The following IL1RAPL1 variants were observed in gnomAD, a reference collection of about 807,000 sequenced individuals.
The protein encoded by IL1RAPL1 is interleukin-1 receptor accessory protein-like 1.
IL1RAPL1 carries 3 observed loss-of-function variants against 48.4 expected under a neutral mutation model. The observed-to-expected ratio is 0.06, with a 90% CI of 0.03 to 0.16. The LOEUF (loss-of-function observed/expected upper bound fraction) is 0.16. Among genes scored for constraint, IL1RAPL1 ranks in the 10% least tolerant of loss-of-function variants. The probability of loss-of-function intolerance (pLI) is 1.00; values close to 1 mark genes in which losing one functional copy is unlikely to be tolerated. For missense variants in IL1RAPL1, 349 were observed against 530.6 expected, an observed-to-expected ratio of 0.66 and a Z score of 3.36; for synonymous variants, 185 against 187.7, an observed-to-expected ratio of 0.99 and a Z score of 0.12.
At chrX:28,946,146 T>C (rs1924297918) in intron 2 of IL1RAPL1, among the ~76,000 whole-genome samples, 1 of 109,398 alleles carries the variant, frequency 9.1e-6, no homozygotes, top group African/African-American at 3.3e-5. Context: ...GAATACTAGA[T>C]GAGGGTTAAA....
intron 3 of IL1RAPL1, among the ~76,000 whole-genome samples, chrX:29,302,721 C>T (rs7884180): frequency 2.4e-4 from 26 of 110,429 alleles, no homozygotes; most frequent in Admixed American, 2.0e-3. Flanking sequence ...AGTTTTGGGG[C>T]GGTCATTTAG....
At chrX:29,428,389 G>T (rs1169726551) in intron 5 of IL1RAPL1, among the ~76,000 whole-genome samples, 1 of 111,354 alleles carries the variant, frequency 9.0e-6, no homozygotes, top group Non-Finnish European at 1.9e-5. Context: ...AGCATTAAAT[G>T]ACATTAATCT....
chrX:29,591,572 C>T (rs937322813), intron 5 of IL1RAPL1, among the ~76,000 whole-genome samples: 2 of 111,992 alleles, frequency 1.8e-5, no homozygotes, highest in African/African-American at 6.5e-5. Context: ...CTTCCTCTGC[C>T]GGGCACTCTC....
intron 6 of IL1RAPL1, among the ~76,000 whole-genome samples, chrX:29,809,812 AT>A (rs1255622736): frequency 9.5e-6 from 1 of 105,606 alleles, no homozygotes; most frequent in Non-Finnish European, 1.9e-5. Context: ...ACCTTCCTGC[AT>A]CCCTCTGTGT....
intron 6 of IL1RAPL1, among the ~76,000 whole-genome samples, chrX:29,682,023 C>T (rs1015086208): frequency 9.0e-6 from 1 of 111,680 alleles, no homozygotes; most frequent in Non-Finnish European, 1.9e-5. Context: ...GATCATTACA[C>T]ATTATATGCA....
chrX:28,594,268 G>T (rs781167224), intron 1 of IL1RAPL1, among the ~76,000 whole-genome samples: 13 of 111,696 alleles, frequency 1.2e-4, no homozygotes, highest in African/African-American at 4.2e-4. Flanking sequence ...GGTATAGATG[G>T]ACTTAAGAGT....
chrX:29,679,875 G>A (rs1479670002), intron 6 of IL1RAPL1, among the ~76,000 whole-genome samples: 2 of 111,880 alleles, frequency 1.8e-5, no homozygotes, highest in Non-Finnish European at 3.8e-5. Flanking sequence ...AGTCAAGAGG[G>A]AATCGTACTG....
At chrX:29,658,753 G>C (rs755560185) in intron 5 of IL1RAPL1, among the ~76,000 whole-genome samples, 15 of 112,010 alleles carry the variant, frequency 1.3e-4, no homozygotes, top group Non-Finnish European at 2.8e-4. Flanking sequence ...TAGGCAATGT[G>C]TAATGATCAA....
At chrX:29,275,907 G>T (rs1239386542) in intron 2 of IL1RAPL1, among the ~76,000 whole-genome samples, 1 of 112,275 alleles carries the variant, frequency 8.9e-6, no homozygotes, top group African/African-American at 3.2e-5. Context: ...CAATCCATTA[G>T]TCCATTTGGG....
chrX:29,765,590 C>A (rs191939855), intron 6 of IL1RAPL1, among the ~76,000 whole-genome samples: 1 of 111,829 alleles, frequency 8.9e-6, no homozygotes, highest in African/African-American at 3.2e-5. Context: ...TTAGTAGTAT[C>A]CAAAGACATC....
intron 3 of IL1RAPL1, among the ~76,000 whole-genome samples, chrX:29,303,209 C>T (rs1932564881): frequency 9.0e-6 from 1 of 111,532 alleles, no homozygotes; most frequent in African/African-American, 3.3e-5. Flanking sequence ...ACATAATCAG[C>T]TAAAGAACTA....
At chrX:29,534,447 A>C (rs944504345) in intron 5 of IL1RAPL1, among the ~76,000 whole-genome samples, 2 of 112,074 alleles carry the variant, frequency 1.8e-5, no homozygotes, top group African/African-American at 6.5e-5. Flanking sequence ...TAATCTGACT[A>C]TATTCTGAGT....
chrX:29,058,367 T>C (rs950790647), intron 2 of IL1RAPL1, among the ~76,000 whole-genome samples: 3 of 110,499 alleles, frequency 2.7e-5, no homozygotes, highest in African/African-American at 9.9e-5. Context: ...CAGAGTGAGA[T>C]TCCATCTTAA....
chrX:28,920,535 A>G (rs1357449676), intron 2 of IL1RAPL1, among the ~76,000 whole-genome samples: 2 of 111,841 alleles, frequency 1.8e-5, no homozygotes, highest in Non-Finnish European at 3.8e-5. Context: ...AAAAAAAAAT[A>G]GTCCTAGTAG....
intron 2 of IL1RAPL1, among the ~76,000 whole-genome samples, chrX:29,062,821 A>C (rs1927370665): frequency 9.0e-6 from 1 of 111,076 alleles, no homozygotes; most frequent in South Asian, 3.8e-4. Context: ...AAGTCCATGC[A>C]TCTTAGTATT....
chrX:28,972,596 G>A (rs1279571140), intron 2 of IL1RAPL1, among the ~76,000 whole-genome samples: 5 of 110,179 alleles, frequency 4.5e-5, no homozygotes, highest in African/African-American at 1.3e-4. Context: ...AAAATTAGCC[G>A]GGCGTGGTGG....
intron 6 of IL1RAPL1, among the ~76,000 whole-genome samples, chrX:29,777,476 T>G (rs1929227318): frequency 8.9e-6 from 1 of 111,964 alleles, no homozygotes; most frequent in Non-Finnish European, 1.9e-5. Context: ...TGGATGAGGT[T>G]GATTGAAAAA....
intron 2 of IL1RAPL1, among the ~76,000 whole-genome samples, chrX:28,976,908 T>C (rs1925220148): frequency 8.9e-6 from 1 of 112,314 alleles, no homozygotes; most frequent in Admixed American, 9.4e-5. Context: ...AAGGTCTCTG[T>C]TGGAAGAATA....
At chrX:28,894,934 T>C (rs1399306940) in intron 2 of IL1RAPL1, among the ~76,000 whole-genome samples, 1 of 109,973 alleles carries the variant, frequency 9.1e-6, no homozygotes, top group Non-Finnish European at 1.9e-5. Context: ...AGGTAACAGA[T>C]GAGGATGAAA....
Sources: allele counts gnomAD v4.1 joint callset (sites outside exome capture counted in the v4.1 genomes callset), GRCh38; gene constraint gnomAD v4.1.1; transcripts MANE v1.5; gene names NCBI Gene and HGNC (gene_info 2026-07-23, HGNC 2026-07-21).